CELF1: variants seen among roughly 807,000 people sequenced by gnomAD.
CELF1 encodes the protein CUGBP Elav-like family member 1, also known as 50 kDa nuclear polyadenylated RNA-binding protein.
CELF1 carries 10 observed loss-of-function variants against 61.8 expected under a neutral mutation model. That is an observed-to-expected ratio of 0.16 (90% CI 0.10 to 0.27). The LOEUF is 0.27. Among genes scored for constraint, CELF1 ranks in the 10% least tolerant of loss-of-function variants. The pLI is 1.00. For synonymous variants in CELF1, 236 were observed against 225.1 expected (o/e 1.05, Z -0.43); for missense variants, 380 against 639.1 (o/e 0.59, Z 4.37).
intron 1 of CELF1, among the ~76,000 whole-genome samples, chr11:47,539,316 C>T (rs780119533): frequency 2.6e-5 from 4 of 152,162 alleles, no homozygotes; most frequent in South Asian, 2.1e-4. Flanking sequence ...AGACCTCCAG[C>T]GGCCTTTTGC....
chr11:47,548,039 G>A (rs1187914980), intron 1 of CELF1, among the ~76,000 whole-genome samples: 1 of 152,154 alleles, frequency 6.6e-6, no homozygotes, highest in African/African-American at 2.4e-5. Flanking sequence ...GGTGGCTCAA[G>A]CCTGTAATCC....
At chr11:47,535,770 G>A (rs1377930692) in intron 1 of CELF1, among the ~76,000 whole-genome samples, 1 of 148,988 alleles carries the variant, frequency 6.7e-6, no homozygotes, top group African/African-American at 2.5e-5. Context: ...TTTTGTTTTT[G>A]TTTTTTTCTT....
chr11:47,565,297 C>G (rs1019044160), exon 1 of CELF1: 1 of 173,752 alleles, frequency 5.8e-6, no homozygotes, highest in African/African-American at 2.4e-5. Context: ...CCCCCTCCCT[C>G]GGAGGAGGGA....
rs201800783 is a variant in CELF1, at chr11:47,472,168, A to C, written c.*62T>G. Reference sequence around the variant, plus strand: ...CACAGCCTCAGGGCTTCGAATCATTAAGGGTGCTCCTCCCCCACTTACCAG... The same window carrying C: ...CACAGCCTCAGGGCTTCGAATCATTCAGGGTGCTCCTCCCCCACTTACCAG... On this transcript the variant is annotated 3_prime_UTR_variant, in exon 15 of 15. Transcript: ENST00000687097. 6.3e-7 allele frequency: 1 copy of C among 1,592,846 alleles called. No individual in the cohort carries two copies. Among genetic ancestry groups the C allele is most frequent in the Non-Finnish European group, 8.6e-7 (1 of 1,164,674 alleles).
chr11:47,543,924 C>T (rs1435013128), intron 1 of CELF1, among the ~76,000 whole-genome samples: 1 of 152,192 alleles, frequency 6.6e-6, no homozygotes, highest in Non-Finnish European at 1.5e-5. Context: ...CGAAGAGACC[C>T]AAGTGTCCCC....
At chr11:47,553,230 G>A (rs1455582270), upstream of CELF1, 2 of 385,352 alleles carry the variant, frequency 5.2e-6, no homozygotes, top group Admixed American at 4.5e-5. Context: ...GGCGCCGCCC[G>A]CAGCGCCGAT....
At position 47,476,369 on chromosome 11, in the gene CELF1, G is replaced by A. The variant is rs376155994; in HGVS notation, c.1087+477C>T. On this transcript the variant is annotated intron_variant, in intron 12 of 14. Transcript: ENST00000687097. ...ATGAGAAAATGTCCTTAGAAAGGTG[G>A]TCCGAAGTTATAGCTAGCTAACGGA... Among the ~76,000 whole-genome samples the A allele has an allele frequency of 5.3e-5, 8 of 152,220 alleles. No individual in the cohort carries two copies. In the South Asian group the frequency reaches 1.0e-3, roughly 20 times the overall value.
chr11:47,482,770 C>A lies in CELF1; in HGVS notation c.693G>T (p.Gln231His), dbSNP rs757007910. The stretch of plus-strand genomic sequence containing the variant: ...CAGATGCTGCGCTGATTTGCTGCAT[C>A]TGCTGCTGGAGCTGCTGGGCCATTC... ...QKRMAQQLQQQMQQISAASVW... is the reference protein window; with the variant it reads ...QKRMAQQLQQHMQQISAASVW... The change falls in exon 9 of 15, where the codon CAG (glutamine) becomes CAT (histidine). Residue 231 changes from glutamine (Q) to histidine (H), a missense_variant. By Grantham distance (24) the Gln-to-His change is conservative. Transcript: ENST00000687097. 4 of 1,614,162 alleles carry A rather than the reference C, an allele frequency of 2.5e-6. No individual in the cohort carries two copies. Among genetic ancestry groups the A allele is most frequent in the Non-Finnish European group, 3.4e-6 (4 of 1,180,016 alleles).
chr11:47,565,449 T>C, exon 1 of CELF1: 1 of 517,404 alleles, frequency 1.9e-6, no homozygotes, highest in Non-Finnish European at 2.8e-6. Flanking sequence ...CGCCGGGCCC[T>C]CCTCCAGAGT....
intron 1 of CELF1, among the ~76,000 whole-genome samples, chr11:47,504,629 G>C (rs1466419508): frequency 6.6e-6 from 1 of 150,566 alleles, no homozygotes. Context: ...GGCTGGGCGC[G>C]GTGGCTCACC....
intron 1 of CELF1, among the ~76,000 whole-genome samples, chr11:47,546,807 G>A (rs2096963681): frequency 6.6e-6 from 1 of 152,186 alleles, no homozygotes; most frequent in Non-Finnish European, 1.5e-5. Context: ...GCTCACACCT[G>A]TAATTGCAGA....
intron 3 of CELF1, chr11:47,496,020 T>G: frequency 1.0e-6 from 1 of 985,124 alleles, no homozygotes; most frequent in Non-Finnish European, 1.2e-6. Context: ...TTATACAAGG[T>G]CCCTCTGGCT....
upstream of CELF1, among the ~76,000 whole-genome samples, chr11:47,555,468 G>T (rs1391269088): frequency 6.6e-6 from 1 of 152,160 alleles, no homozygotes; most frequent in African/African-American, 2.4e-5. Context: ...AACTTGTAAG[G>T]TATTAATATC....
At chr11:47,523,002 A>G (rs913809001) in intron 1 of CELF1, among the ~76,000 whole-genome samples, 1 of 152,160 alleles carries the variant, frequency 6.6e-6, no homozygotes, top group Admixed American at 6.6e-5. Flanking sequence ...TGGGCCTGTT[A>G]GAGTCCAGTA....
At chr11:47,483,422 G>GA in intron 8 of CELF1, 31 bp downstream of exon 8, 1 of 1,578,414 alleles carries the variant, frequency 6.3e-7, no homozygotes, top group Non-Finnish European at 8.7e-7. Flanking sequence ...CCAAGCTGAG[G>GA]AATTTTCCCC....
chr11:47,500,185 G>T (rs1376385824), intron 2 of CELF1, among the ~76,000 whole-genome samples: 2 of 151,346 alleles, frequency 1.3e-5, no homozygotes, highest in Non-Finnish European at 2.9e-5. Context: ...GCCTACAGTT[G>T]ATCAGCCTTG....
rs2077407577 is a variant in CELF1, at chr11:47,470,306, T to TTTTTC, written c.*1919_*1923dup. On this transcript the variant is annotated 3_prime_UTR_variant, in exon 15 of 15. Transcript: ENST00000687097. Reference sequence around the variant, plus strand: ...TTTTTCTTTTTTTTTTTTGTTTTCTTTTTTCTTTTTTATTTTTATTTTTTG... The same window carrying TTTTTC: ...TTTTTCTTTTTTTTTTTTGTTTTCTTTTTTCTTTTCTTTTTTATTTTTATTTTTTG... 6.6e-6 allele frequency: 1 copy of TTTTTC among 152,062 alleles called. No individual in the cohort carries two copies. The highest frequency in any genetic ancestry group is 6.6e-5 in the Admixed American group (1 of 15,256). The allele number at this position is 152,062 out of a possible 1,614,324, so 9.4% of individuals were successfully genotyped here. A position where few individuals can be genotyped will look rare whatever the true frequency, so the allele number is the denominator to read the frequency against.
chr11:47,473,540 T>C (rs1596045225), intron 13 of CELF1, among the ~76,000 whole-genome samples: 1 of 152,072 alleles, frequency 6.6e-6, no homozygotes, highest in East Asian at 1.9e-4. Flanking sequence ...ACAGAGACTG[T>C]AGGCTCAGAG....
chr11:47,511,699 C>T (rs1009872919), intron 1 of CELF1, among the ~76,000 whole-genome samples: 1 of 152,146 alleles, frequency 6.6e-6, no homozygotes, highest in African/African-American at 2.4e-5. Flanking sequence ...CTCCATTTTG[C>T]AGATGAGAAA....
Sources: allele counts gnomAD v4.1 joint callset (sites outside exome capture counted in the v4.1 genomes callset), GRCh38; gene constraint gnomAD v4.1.1; transcripts MANE v1.5; gene names NCBI Gene and HGNC (gene_info 2026-07-23, HGNC 2026-07-21).